ZNF804B: variants seen among roughly 807,000 people sequenced by gnomAD.
The protein encoded by ZNF804B is zinc finger 804B.
In ZNF804B, 80 loss-of-function variants were observed where a neutral mutation model predicts 101.4. The observed-to-expected ratio is 0.79, with a 90% CI of 0.66 to 0.95. The LOEUF is 0.95. ZNF804B is among the 40% of genes least tolerant of loss of function. The pLI is 0.00. For synonymous variants in ZNF804B, 622 were observed against 558.8 expected (o/e 1.11, Z -1.59); for missense variants, 1,673 against 1,561.9 (o/e 1.07, Z -1.20).
Position 89,316,528 on chromosome 7 carries a change from G to A in ZNF804B, c.250-10816G>A, listed in dbSNP as rs575854099. On this transcript the variant is annotated intron_variant, in intron 2 of 3. Transcript: ENST00000333190. ...AAAAATAAAGGGAAAAGCCACAAAC[G>A]CAGAAAAAGGAAGGGAAATTAAGAT... Among the ~76,000 whole-genome samples the A allele has an allele frequency of 6.6e-5, 10 of 152,118 alleles. No homozygotes were observed. In the South Asian group the frequency reaches 1.2e-3, roughly 19 times the overall value.
chr7:89,220,043 G>A (rs1788970384), intron 2 of ZNF804B, among the ~76,000 whole-genome samples: 2 of 133,296 alleles, frequency 1.5e-5, no homozygotes, highest in Middle Eastern at 5.0e-3. Flanking sequence ...GCACATATAT[G>A]TGCATATATA....
chr7:89,071,555 C>T (rs955299462), intron 1 of ZNF804B, among the ~76,000 whole-genome samples: 1 of 152,056 alleles, frequency 6.6e-6, no homozygotes, highest in Non-Finnish European at 1.5e-5. Flanking sequence ...AACAAACAAT[C>T]ACGGGGATAA....
chr7:88,950,274 GTAAT>G (rs772385744), intron 1 of ZNF804B, among the ~76,000 whole-genome samples: 4 of 151,768 alleles, frequency 2.6e-5, no homozygotes, highest in Admixed American at 2.0e-4. Context: ...TAATTGCACT[GTAAT>G]TAATTTAATT....
chr7:88,819,637 T>C (rs1231636198), intron 1 of ZNF804B, among the ~76,000 whole-genome samples: 1 of 152,206 alleles, frequency 6.6e-6, no homozygotes. Flanking sequence ...TATACACTTT[T>C]ATCATAAGTT....
chr7:88,917,056 G>A (rs566770748), intron 1 of ZNF804B, among the ~76,000 whole-genome samples: 1 of 152,170 alleles, frequency 6.6e-6, no homozygotes, highest in East Asian at 1.9e-4. Context: ...CCTGAAGTCA[G>A]GAGTTTGAGA....
intron 1 of ZNF804B, among the ~76,000 whole-genome samples, chr7:89,155,993 T>TTCTA (rs1368517767): frequency 2.2e-5 from 2 of 92,298 alleles, no homozygotes; most frequent in African/African-American, 6.6e-5. Context: ...CTTCCTTTCC[T>TTCTA]TCTTTCTTTC....
intron 1 of ZNF804B, among the ~76,000 whole-genome samples, chr7:89,103,053 T>G (rs986741324): frequency 5.1e-5 from 2 of 39,348 alleles, no homozygotes; most frequent in East Asian, 3.1e-4. Context: ...TGTCTGTTTT[T>G]TTTTTTTTTT....
chr7:89,029,574 GTACTC>G (rs1293332644), intron 1 of ZNF804B, among the ~76,000 whole-genome samples: 1 of 152,064 alleles, frequency 6.6e-6, no homozygotes, highest in East Asian at 1.9e-4. Context: ...CAATATAACT[GTACTC>G]AACTCATAGA....
rs904653078 is a variant in ZNF804B at position 89,125,483 on chromosome 7, A to T, written c.109-92672A>T. ...ATTTCTACCAATTCTTGCTTTCATT[A>T]AAAAAATTCTAACAGTCTTAGCCAT... On this transcript the variant is annotated intron_variant, in intron 1 of 3. Transcript: ENST00000333190. 3.3e-5 allele frequency among the ~76,000 whole-genome samples: 5 copies of T among 152,002 alleles called. No individual in the cohort carries two copies. The East Asian group carries it at 7.7e-4, about 23-fold the overall frequency.
At chr7:89,216,960 G>A (rs1357811695) in intron 1 of ZNF804B, among the ~76,000 whole-genome samples, 1 of 152,188 alleles carries the variant, frequency 6.6e-6, no homozygotes, top group Non-Finnish European at 1.5e-5. Context: ...GGATAATAGA[G>A]CAGAAGTTAT....
chr7:88,902,615 T>A (rs1181748293), intron 1 of ZNF804B, among the ~76,000 whole-genome samples: 7 of 152,020 alleles, frequency 4.6e-5, no homozygotes, highest in Admixed American at 4.6e-4. Flanking sequence ...AATGATTAAT[T>A]TTTTTCAGGA....
At chr7:89,332,304 G>A (rs965930467) in intron 3 of ZNF804B, among the ~76,000 whole-genome samples, 4 of 151,704 alleles carry the variant, frequency 2.6e-5, no homozygotes, top group African/African-American at 9.7e-5. Flanking sequence ...GACTCAGAAA[G>A]CACTACTCTA....
intron 1 of ZNF804B, among the ~76,000 whole-genome samples, chr7:89,154,062 A>C (rs934563120): frequency 5.3e-5 from 8 of 152,192 alleles, no homozygotes; most frequent in African/African-American, 1.7e-4. Context: ...CCAATCAAAA[A>C]ATGGGCAGAA....
chr7:89,002,703 C>CT (rs946367005), intron 1 of ZNF804B, among the ~76,000 whole-genome samples: 1 of 151,800 alleles, frequency 6.6e-6, no homozygotes. Context: ...CTTAAATCAG[C>CT]TATAGTCTTC....
At chr7:88,861,876 A>G (rs1451058573) in intron 1 of ZNF804B, among the ~76,000 whole-genome samples, 1 of 152,204 alleles carries the variant, frequency 6.6e-6, no homozygotes, top group Non-Finnish European at 1.5e-5. Flanking sequence ...TTTCAGTAGC[A>G]TAAGATTAGA....
At chr7:88,857,622 T>C (rs1791584642) in intron 1 of ZNF804B, among the ~76,000 whole-genome samples, 1 of 152,042 alleles carries the variant, frequency 6.6e-6, no homozygotes, top group South Asian at 2.1e-4. Context: ...CAATAATTAA[T>C]AGCTTACCAA....
At chr7:89,059,907 G>GT (rs398005407) in intron 1 of ZNF804B, among the ~76,000 whole-genome samples, 1 of 151,370 alleles carries the variant, frequency 6.6e-6, no homozygotes, top group Non-Finnish European at 1.5e-5. Flanking sequence ...AATTGGCTGG[G>GT]CCTGGAGAGA....
intron 2 of ZNF804B, among the ~76,000 whole-genome samples, chr7:89,245,031 T>C (rs146656662): frequency 6.6e-6 from 1 of 152,026 alleles, no homozygotes; most frequent in Non-Finnish European, 1.5e-5. Flanking sequence ...CTAAGAAAAA[T>C]AAAAATCTCA....
At chr7:89,055,829 A>G (rs924159276) in intron 1 of ZNF804B, among the ~76,000 whole-genome samples, 3 of 152,078 alleles carry the variant, frequency 2.0e-5, no homozygotes, top group Admixed American at 2.0e-4. Flanking sequence ...CAAGTGTATA[A>G]TTATGCAGAT....
Sources: allele counts gnomAD v4.1 joint callset (sites outside exome capture counted in the v4.1 genomes callset), GRCh38; gene constraint gnomAD v4.1.1; transcripts MANE v1.5; gene names NCBI Gene and HGNC (gene_info 2026-07-23, HGNC 2026-07-21).